NYAP2: variants seen among roughly 807,000 people sequenced by gnomAD.
The protein encoded by NYAP2 is neuronal tyrosine-phosphorylated phosphoinositide-3-kinase adapter 2.
Under a neutral mutation model 50.4 loss-of-function variants are expected in NYAP2, and 23 were observed. That is an observed-to-expected ratio of 0.46 (90% CI 0.33 to 0.65). The LOEUF (loss-of-function observed/expected upper bound fraction) is 0.65. Among genes scored for constraint, NYAP2 ranks in the 30% least tolerant of loss-of-function variants. The probability of loss-of-function intolerance (pLI) is 0.02; values close to 1 mark genes in which losing one functional copy is unlikely to be tolerated. For synonymous variants in NYAP2, 394 were observed against 365.2 expected (o/e 1.08, Z -0.90); for missense variants, 885 against 861.0 (o/e 1.03, Z -0.35).
intron 3 of NYAP2, among the ~76,000 whole-genome samples, chr2:225,490,628 G>A (rs1479591639): frequency 2.6e-5 from 4 of 152,126 alleles, no homozygotes; most frequent in African/African-American, 4.8e-5. Context: ...GAGAGGATTA[G>A]GCAATCCAAA....
intron 4 of NYAP2, among the ~76,000 whole-genome samples, chr2:225,553,818 C>T (rs1434919832): frequency 6.6e-6 from 1 of 152,112 alleles, no homozygotes; most frequent in East Asian, 1.9e-4. Context: ...GGGTGGATCA[C>T]ATGAGGTCAG....
At chr2:225,574,586 CA>C (rs1321725295) in intron 4 of NYAP2, among the ~76,000 whole-genome samples, 1 of 152,028 alleles carries the variant, frequency 6.6e-6, no homozygotes, top group Admixed American at 6.5e-5. Context: ...AGTGTTTTTT[CA>C]TTTAAATTTT....
chr2:225,427,206 T>C lies in NYAP2; in HGVS notation c.221+18105T>C, dbSNP rs7588662. On this transcript the variant is annotated intron_variant, in intron 3 of 6. Transcript: ENST00000636099. ...GGAGAAATGTTAGGGAATATTCAGA[T>C]TGGGTAACTATTCAATCTTACCTCA... Among the ~76,000 whole-genome samples, 189 of 152,292 alleles carry C rather than the reference T, an allele frequency of 1.2e-3. 1 individual carries two copies. The highest frequency in any genetic ancestry group is 4.3e-3 in the African/African-American group (180 of 41,572).
intron 3 of NYAP2, among the ~76,000 whole-genome samples, chr2:225,427,651 T>G (rs539667282): frequency 3.9e-4 from 60 of 152,352 alleles, no homozygotes; most frequent in African/African-American, 1.4e-3. Flanking sequence ...CAGGCACTAT[T>G]GCTTGCTATC....
chr2:225,455,883 A>T (rs1689730595), intron 3 of NYAP2, among the ~76,000 whole-genome samples: 1 of 152,204 alleles, frequency 6.6e-6, no homozygotes, highest in Non-Finnish European at 1.5e-5. Context: ...TTAAAATGTC[A>T]GTGTTGATTA....
chr2:225,479,311 T>C (rs553681511), intron 3 of NYAP2, among the ~76,000 whole-genome samples: 1 of 152,298 alleles, frequency 6.6e-6, no homozygotes, highest in Non-Finnish European at 1.5e-5. Context: ...TAAAATCAGG[T>C]TAGTGACTCT....
chr2:225,555,540 A>G (rs1305864711), intron 4 of NYAP2, among the ~76,000 whole-genome samples: 1 of 152,168 alleles, frequency 6.6e-6, no homozygotes, highest in African/African-American at 2.4e-5. Flanking sequence ...TTTGATTTTT[A>G]GGGATCACCA....
chr2:225,590,099 C>A (rs540779841), intron 5 of NYAP2, among the ~76,000 whole-genome samples: 5 of 152,348 alleles, frequency 3.3e-5, no homozygotes, highest in African/African-American at 1.2e-4. Flanking sequence ...AAAGTTCTGG[C>A]AGGATCCAGA....
chr2:225,491,957 C>G (rs750570993), intron 3 of NYAP2, among the ~76,000 whole-genome samples: 2 of 152,204 alleles, frequency 1.3e-5, no homozygotes, highest in Non-Finnish European at 2.9e-5. Context: ...GCTAAGAAAC[C>G]AGGAGATGAT....
intron 3 of NYAP2, among the ~76,000 whole-genome samples, chr2:225,467,220 C>T (rs1410629799): frequency 6.6e-6 from 1 of 152,108 alleles, no homozygotes; most frequent in African/African-American, 2.4e-5. Context: ...AGGTCAGATA[C>T]CAATTAAACT....
intron 5 of NYAP2, among the ~76,000 whole-genome samples, chr2:225,613,277 A>T (rs1261572961): frequency 6.6e-6 from 1 of 152,174 alleles, no homozygotes; most frequent in East Asian, 1.9e-4. Flanking sequence ...GAAGTCTGAT[A>T]TCCAAGGGCA....
chr2:225,461,906 T>C (rs1319000641), intron 3 of NYAP2, among the ~76,000 whole-genome samples: 1 of 152,238 alleles, frequency 6.6e-6, no homozygotes, highest in Non-Finnish European at 1.5e-5. Context: ...TTTGTTTTAT[T>C]ATTTATTTGA....
chr2:225,422,330 A>G (rs929222469), intron 3 of NYAP2, among the ~76,000 whole-genome samples: 1 of 152,254 alleles, frequency 6.6e-6, no homozygotes, highest in African/African-American at 2.4e-5. Flanking sequence ...TGCCATGTGC[A>G]TTAGTGATGT....
At chr2:225,625,536 C>T (rs1422039241) in intron 5 of NYAP2, among the ~76,000 whole-genome samples, 1 of 151,866 alleles carries the variant, frequency 6.6e-6, no homozygotes, top group Non-Finnish European at 1.5e-5. Flanking sequence ...AATTGAGTTA[C>T]CAGGAGAGAG....
chr2:225,423,460 A>T (rs1695244362), intron 3 of NYAP2, among the ~76,000 whole-genome samples: 1 of 152,044 alleles, frequency 6.6e-6, no homozygotes, highest in Non-Finnish European at 1.5e-5. Context: ...AAACAGCCTG[A>T]CCTCTGTCAC....
intron 4 of NYAP2, 93 bp from the exon 5 acceptor site, chr2:225,581,848 C>A: frequency 8.0e-7 from 1 of 1,247,884 alleles, no homozygotes; most frequent in Non-Finnish European, 1.1e-6. Context: ...ACCCCTCTGG[C>A]CTAAAGTTTA....
chr2:225,514,519 C>T (rs1210108735), intron 4 of NYAP2, among the ~76,000 whole-genome samples: 1 of 152,172 alleles, frequency 6.6e-6, no homozygotes, highest in East Asian at 1.9e-4. Context: ...TGGTTGCAGA[C>T]TGCCGACTTC....
chr2:225,685,943 T>C, the NYAP2 span, among the ~76,000 whole-genome samples: 1 of 152,182 alleles, frequency 6.6e-6, no homozygotes, highest in African/African-American at 2.4e-5. Context: ...AAGAATTAAG[T>C]TACAAATCAA....
chr2:225,643,470 T>G (rs1428576138), intron 6 of NYAP2, among the ~76,000 whole-genome samples: 1 of 152,048 alleles, frequency 6.6e-6, no homozygotes, highest in Admixed American at 6.6e-5. Flanking sequence ...ATACTTTAAG[T>G]TTTAGGGTAC....
Sources: gnomAD v4.1 joint callset for allele counts (sites outside exome capture counted in the v4.1 genomes callset) on GRCh38, gnomAD v4.1.1 for gene constraint, MANE v1.5 for transcripts, NCBI Gene and HGNC (gene_info 2026-07-23, HGNC 2026-07-21) for gene names.